CNTNAP2: variants seen among roughly 807,000 people sequenced by gnomAD.
The protein encoded by CNTNAP2 is contactin-associated protein-like 2.
Under a neutral mutation model 155.2 loss-of-function variants are expected in CNTNAP2, and 98 were observed. That is an observed-to-expected ratio of 0.63 (90% CI 0.54 to 0.75). The LOEUF (loss-of-function observed/expected upper bound fraction) is 0.75, where lower values mean the gene tolerates loss of function less well. Among genes scored for constraint, CNTNAP2 ranks in the 30% least tolerant of loss-of-function variants. The pLI is 0.00. For missense variants in CNTNAP2, 1,727 were observed against 1,688.1 expected (o/e 1.02, Z -0.40); for synonymous variants, 651 against 631.2 (o/e 1.03, Z -0.47).
chr7:146,600,350 C>A (rs186469735), intron 1 of CNTNAP2, among the ~76,000 whole-genome samples: 6 of 152,068 alleles, frequency 3.9e-5, no homozygotes, highest in Admixed American at 3.9e-4. Context: ...TATTTTTGTT[C>A]TCATTAGTAC....
intron 1 of CNTNAP2, among the ~76,000 whole-genome samples, chr7:146,394,687 T>C (rs887669308): frequency 6.6e-6 from 1 of 152,192 alleles, no homozygotes; most frequent in Non-Finnish European, 1.5e-5. Context: ...CAAAATGTTC[T>C]AAGTGCTTTA....
intron 1 of CNTNAP2, among the ~76,000 whole-genome samples, chr7:146,125,345 GACA>G (rs1797618668): frequency 6.6e-6 from 1 of 152,088 alleles, no homozygotes; most frequent in African/African-American, 2.4e-5. Context: ...GGGAGGCTGA[GACA>G]GGCGGATCAC....
intron 3 of CNTNAP2, among the ~76,000 whole-genome samples, chr7:146,950,472 G>A (rs1406954841): frequency 6.6e-6 from 1 of 152,008 alleles, no homozygotes; most frequent in Non-Finnish European, 1.5e-5. Context: ...AGGCACCGAT[G>A]TGTGATCTTC....
In CNTNAP2 at chr7:147,599,375, C is replaced by T. The variant is rs541663678; in HGVS notation, c.1897+37118C>T. Among the ~76,000 whole-genome samples the T allele has an allele frequency of 3.8e-4, 57 of 150,598 alleles. 1 individual carries two copies. In the South Asian group the frequency reaches 0.011, roughly 30 times the overall value. On this transcript the variant is annotated intron_variant, in intron 12 of 23. Coordinates refer to ENST00000361727, the MANE Select transcript of CNTNAP2 (RefSeq NM_014141.6). ...CCGGCATGGTGTAATCCCAGCTACT[C>T]GGGAGGCTGAGGCAGGAGAATCACT...
intron 15 of CNTNAP2, among the ~76,000 whole-genome samples, chr7:148,058,358 C>A (rs547417670): frequency 6.6e-6 from 1 of 152,292 alleles, no homozygotes; most frequent in Non-Finnish European, 1.5e-5. Flanking sequence ...AAACCATCCC[C>A]TCCACACACG....
chr7:147,016,099 G>T (rs1023734089), intron 3 of CNTNAP2, among the ~76,000 whole-genome samples: 1 of 152,078 alleles, frequency 6.6e-6, no homozygotes, highest in Non-Finnish European at 1.5e-5. Context: ...TTTTCTATCT[G>T]AGTTCTAGGA....
chr7:147,128,178 A>G (rs188583362), intron 6 of CNTNAP2, among the ~76,000 whole-genome samples: 1 of 152,162 alleles, frequency 6.6e-6, no homozygotes, highest in Non-Finnish European at 1.5e-5. Flanking sequence ...TTCTACATCC[A>G]AAATAAATCT....
chr7:147,831,221 A>G (rs1798540243), intron 13 of CNTNAP2, among the ~76,000 whole-genome samples: 1 of 152,242 alleles, frequency 6.6e-6, no homozygotes, highest in African/African-American at 2.4e-5. Context: ...CAGTAGCATT[A>G]TGAATACACA....
chr7:147,239,503 C>T (rs976110009), intron 8 of CNTNAP2, among the ~76,000 whole-genome samples: 2 of 148,310 alleles, frequency 1.3e-5, no homozygotes, highest in African/African-American at 5.0e-5. Flanking sequence ...GAGCGAGACT[C>T]CGTTTCCAAA....
intron 1 of CNTNAP2, among the ~76,000 whole-genome samples, chr7:146,624,139 G>A (rs1183585900): frequency 6.6e-6 from 1 of 152,042 alleles, no homozygotes; most frequent in East Asian, 1.9e-4. Flanking sequence ...GGTTTCAAGA[G>A]TTCTTTATTT....
chr7:146,352,010 G>T (rs1328988381), intron 1 of CNTNAP2, among the ~76,000 whole-genome samples: 1 of 152,138 alleles, frequency 6.6e-6, no homozygotes, highest in Admixed American at 6.5e-5. Flanking sequence ...TACATACAGA[G>T]GAAAGAAGAC....
chr7:147,245,623 G>T (rs1232524712), intron 8 of CNTNAP2, among the ~76,000 whole-genome samples: 1 of 152,006 alleles, frequency 6.6e-6, no homozygotes, highest in Admixed American at 6.6e-5. Flanking sequence ...CACGAGGTCA[G>T]GAGTTCAAGA....
Position 147,510,119 on chromosome 7 carries a change from G to A in CNTNAP2, c.1777+24078G>A, listed in dbSNP as rs6955075. Among the ~76,000 whole-genome samples the A allele has an allele frequency of 6.7e-3, 1,026 of 152,224 alleles. 18 individuals carry two copies. Among genetic ancestry groups the A allele is most frequent in the African/African-American group, 0.022 (911 of 41,542 alleles). ...GAGAAGATTCCAGAGCAGAGGATTC[G>A]TGCCAGTGTGACTAGGGAATCTGTT... On this transcript the variant is annotated intron_variant, in intron 11 of 23. Transcript: ENST00000361727.
At chr7:146,731,900 G>A (rs534724705) in intron 1 of CNTNAP2, among the ~76,000 whole-genome samples, 3 of 151,760 alleles carry the variant, frequency 2.0e-5, no homozygotes, top group African/African-American at 4.8e-5. Context: ...TTTGTCAATA[G>A]TTATTTGATA....
At chr7:147,889,112 C>T (rs1799644836) in intron 13 of CNTNAP2, among the ~76,000 whole-genome samples, 1 of 151,926 alleles carries the variant, frequency 6.6e-6, no homozygotes, top group Non-Finnish European at 1.5e-5. Flanking sequence ...GAAATTTAAA[C>T]TTTCTAGGGT....
chr7:146,444,651 T>G (rs370640502), intron 1 of CNTNAP2, among the ~76,000 whole-genome samples: 6 of 148,952 alleles, frequency 4.0e-5, no homozygotes, highest in African/African-American at 7.7e-5. Context: ...AATCCATAGA[T>G]CCTCTCTCTC....
At chr7:147,524,037 G>A (rs1039995588) in intron 11 of CNTNAP2, among the ~76,000 whole-genome samples, 3 of 152,116 alleles carry the variant, frequency 2.0e-5, no homozygotes, top group Non-Finnish European at 2.9e-5. Context: ...AGATGACTTC[G>A]GAATGTGTGA....
chr7:147,224,310 T>G (rs539175080), intron 8 of CNTNAP2, among the ~76,000 whole-genome samples: 1 of 152,298 alleles, frequency 6.6e-6, no homozygotes, highest in African/African-American at 2.4e-5. Flanking sequence ...TTTACATTTT[T>G]AAATGATTGA....
chr7:146,398,616 AT>A (rs1228886966), intron 1 of CNTNAP2, among the ~76,000 whole-genome samples: 1 of 152,212 alleles, frequency 6.6e-6, no homozygotes, highest in African/African-American at 2.4e-5. Context: ...CACTTCTTTG[AT>A]AAACATCTAG....
Sources: gnomAD v4.1 joint callset for allele counts (sites outside exome capture counted in the v4.1 genomes callset) on GRCh38, gnomAD v4.1.1 for gene constraint, MANE v1.5 for transcripts, NCBI Gene and HGNC (gene_info 2026-07-23, HGNC 2026-07-21) for gene names.